The following PTPRT variants were observed in gnomAD, a reference collection of about 807,000 sequenced individuals.
The protein encoded by PTPRT is receptor-type tyrosine-protein phosphatase T.
In PTPRT, 56 loss-of-function variants were observed where a neutral mutation model predicts 176.8. The observed-to-expected ratio is 0.32, with a 90% CI of 0.26 to 0.40. The LOEUF (loss-of-function observed/expected upper bound fraction) is 0.40. Ranked by LOEUF, PTPRT falls within the 10% of genes least tolerant of loss-of-function variation. The pLI is 1.00. For missense variants in PTPRT, 1,540 were observed against 1,908.2 expected (o/e 0.81, Z 3.60); for synonymous variants, 783 against 739.0 (o/e 1.06, Z -0.96).
chr20:42,474,730 T>C lies in PTPRT; in HGVS notation c.1154-2168A>G, dbSNP rs62204911. On this transcript the variant is annotated intron_variant, in intron 7 of 30. Coordinates refer to ENST00000373187, the MANE Select transcript of PTPRT (RefSeq NM_007050.6). The stretch of plus-strand genomic sequence containing the variant: ...TTGTACCGACTGCAATGAGAGCAGA[T>C]GTACAGGCACACAGAGAGCAATAAA... 7.9e-3 allele frequency among the ~76,000 whole-genome samples: 1,208 copies of C among 152,286 alleles called. 11 individuals are homozygous for C. Among genetic ancestry groups the C allele is most frequent in the Middle Eastern group, 0.014 (4 of 294 alleles).
intron 9 of PTPRT, among the ~76,000 whole-genome samples, chr20:42,406,468 A>C (rs1051468578): frequency 6.6e-6 from 1 of 152,094 alleles, no homozygotes; most frequent in African/African-American, 2.4e-5. Flanking sequence ...AACCGAGGAG[A>C]AGAAAATCAC....
chr20:42,758,480 G>C (rs1335248882), intron 5 of PTPRT, among the ~76,000 whole-genome samples: 1 of 152,192 alleles, frequency 6.6e-6, no homozygotes, highest in Non-Finnish European at 1.5e-5. Context: ...AGCTAAGAGA[G>C]ACTTGCTCCA....
chr20:43,141,459 C>T (rs1343223320), intron 1 of PTPRT, among the ~76,000 whole-genome samples: 1 of 152,204 alleles, frequency 6.6e-6, no homozygotes, highest in Non-Finnish European at 1.5e-5. Context: ...GGCTTCTTCA[C>T]ATGGAGGTGT....
At chr20:42,100,275 G>A (rs1985803872) in intron 26 of PTPRT, among the ~76,000 whole-genome samples, 1 of 152,152 alleles carries the variant, frequency 6.6e-6, no homozygotes, top group Non-Finnish European at 1.5e-5. Flanking sequence ...GCTCCTGCCG[G>A]GTTTCAGGGA....
the PTPRT span, among the ~76,000 whole-genome samples, chr20:42,064,696 C>A: frequency 6.6e-6 from 1 of 152,012 alleles, no homozygotes; most frequent in Non-Finnish European, 1.5e-5. Flanking sequence ...AGACATATAC[C>A]AAAGATTGAA....
At chr20:42,377,826 T>C (rs1482449960) in intron 9 of PTPRT, among the ~76,000 whole-genome samples, 1 of 152,164 alleles carries the variant, frequency 6.6e-6, no homozygotes, top group Admixed American at 6.5e-5. Context: ...AAGAGAAAGA[T>C]GAAGCCAGAG....
chr20:42,168,707 A>C (rs1047522734), intron 16 of PTPRT, among the ~76,000 whole-genome samples: 55 of 152,200 alleles, frequency 3.6e-4, no homozygotes, highest in African/African-American at 1.3e-3. Context: ...CAACGCTGGA[A>C]GTGATTACAT....
At chr20:42,785,394 C>T (rs932664843) in intron 3 of PTPRT, among the ~76,000 whole-genome samples, 9 of 152,124 alleles carry the variant, frequency 5.9e-5, no homozygotes, top group African/African-American at 1.9e-4. Flanking sequence ...TGTATTTAGC[C>T]CATAGAATCA....
intron 1 of PTPRT, among the ~76,000 whole-genome samples, chr20:42,935,339 T>C (rs1488566133): frequency 2.0e-5 from 3 of 151,810 alleles, no homozygotes; most frequent in African/African-American, 7.3e-5. Flanking sequence ...AAGGTCTTGC[T>C]ATGTTACCTA....
At chr20:42,396,157 G>T (rs1159996160) in intron 9 of PTPRT, among the ~76,000 whole-genome samples, 1 of 152,132 alleles carries the variant, frequency 6.6e-6, no homozygotes, top group Non-Finnish European at 1.5e-5. Context: ...TCATTCCAGT[G>T]TCTTTCCTAT....
At chr20:42,927,665 T>C (rs946639905) in intron 1 of PTPRT, among the ~76,000 whole-genome samples, 5 of 152,096 alleles carry the variant, frequency 3.3e-5, no homozygotes, top group African/African-American at 7.2e-5. Flanking sequence ...GACCCACGCC[T>C]GCAGTCAAAC....
intron 17 of PTPRT, among the ~76,000 whole-genome samples, chr20:42,148,029 T>A (rs1294203823): frequency 6.6e-6 from 1 of 152,190 alleles, no homozygotes; most frequent in Admixed American, 6.5e-5. Context: ...GCATTATTTT[T>A]CCATTAGTGG....
At chr20:42,135,995 C>A (rs1430678111) in intron 18 of PTPRT, among the ~76,000 whole-genome samples, 1 of 152,062 alleles carries the variant, frequency 6.6e-6, no homozygotes, top group Non-Finnish European at 1.5e-5. Context: ...GTCTCATGGC[C>A]ACCCGAGAGA....
At chr20:42,773,026 A>G (rs2077085640) in intron 4 of PTPRT, among the ~76,000 whole-genome samples, 1 of 152,218 alleles carries the variant, frequency 6.6e-6, no homozygotes, top group East Asian at 1.9e-4. Flanking sequence ...CAAACTCAGC[A>G]TGTAACAAGC....
intron 6 of PTPRT, among the ~76,000 whole-genome samples, chr20:42,753,054 T>C (rs1029831006): frequency 5.9e-5 from 9 of 152,136 alleles, no homozygotes; most frequent in Admixed American, 2.6e-4. Context: ...AGGAAGGGAA[T>C]ATCACGTGTC....
At chr20:42,425,310 G>A (rs548125036) in intron 9 of PTPRT, among the ~76,000 whole-genome samples, 45 of 152,284 alleles carry the variant, frequency 3.0e-4, no homozygotes, top group African/African-American at 8.4e-4. Flanking sequence ...ACCAGTTAGA[G>A]GAGGTGAGAT....
intron 7 of PTPRT, among the ~76,000 whole-genome samples, chr20:42,615,763 C>G (rs1287699947): frequency 8.6e-6 from 1 of 116,426 alleles, no homozygotes; most frequent in Non-Finnish European, 1.7e-5. Context: ...TCATGTCCTT[C>G]GCCCACTTTT....
chr20:42,877,361 A>G (rs141212110), intron 2 of PTPRT, among the ~76,000 whole-genome samples: 2 of 152,310 alleles, frequency 1.3e-5, no homozygotes, highest in Admixed American at 1.3e-4. Context: ...CCAGGCTGCC[A>G]GGAAATGATG....
chr20:42,450,545 T>C (rs1314138764), intron 8 of PTPRT, among the ~76,000 whole-genome samples: 2 of 152,242 alleles, frequency 1.3e-5, no homozygotes, highest in Non-Finnish European at 2.9e-5. Context: ...TCATTTTTGC[T>C]CATCTTTGTC....
Sources: allele counts gnomAD v4.1 joint callset (sites outside exome capture counted in the v4.1 genomes callset), GRCh38; gene constraint gnomAD v4.1.1; transcripts MANE v1.5; gene names NCBI Gene and HGNC (gene_info 2026-07-23, HGNC 2026-07-21).